The following TNFRSF25 variants were observed in gnomAD, a reference collection of about 807,000 sequenced individuals.
The protein encoded by TNFRSF25 is TNF receptor superfamily member 25, also known as tumor necrosis factor receptor superfamily member 25.
Under a neutral mutation model 49.4 loss-of-function variants are expected in TNFRSF25, and 28 were observed. That is an observed-to-expected ratio of 0.57 (90% confidence interval 0.42 to 0.78). The LOEUF (loss-of-function observed/expected upper bound fraction) is 0.78. TNFRSF25 is among the 30% of genes least tolerant of loss of function. The probability of loss-of-function intolerance (pLI) is 0.00; values close to 1 mark genes in which losing one functional copy is unlikely to be tolerated. For missense variants in TNFRSF25, 531 were observed against 581.6 expected (o/e 0.91, Z 0.90); for synonymous variants, 240 against 234.2 (o/e 1.02, Z -0.23).
In TNFRSF25 at chr1:6,461,520, G is replaced by A. The variant is rs773058348; in HGVS notation, c.1168C>T (p.Leu390Phe). The A allele has an allele frequency of 2.5e-6, 4 of 1,603,362 alleles. No homozygotes were observed. The highest frequency in any genetic ancestry group is 1.1e-5 in the South Asian group (1 of 90,392). ...TCCAGGGCCGCGTAAACGGCTCCGA[G>A]GCCCGCGGGCTGCTGCTGGCGCCAG... ...KRWRQQQPAG[L>F]GAVYAALERM... Residue 390 changes from leucine to phenylalanine, a missense_variant, in exon 10 of 10, where the codon CTC becomes TTC. Leu to Phe is a conservative substitution (Grantham distance 22). Coordinates refer to ENST00000356876, the MANE Select transcript of TNFRSF25 (RefSeq NM_003790.3). This position sits in a 1 kb window ranked among gnomAD's most constrained non-coding sequence, Gnocchi z 6.3.
In TNFRSF25 at chr1:6,461,708, A is replaced by T. The variant is rs1466495242; in HGVS notation, c.980T>A (p.Met327Lys). ...SPESPAGSPAMMLQPGPQLYD... is the reference protein window; with the variant it reads ...SPESPAGSPAKMLQPGPQLYD... ...GAGCTGCGGGCCCGGCTGCAGCATC[A>T]TGGCTGGCGAGCCGGCTGGGGACTC... The change falls in exon 10 of 10, where the codon ATG becomes AAG. Residue 327 changes from methionine (M) to lysine (K), a missense_variant. Met to Lys is a moderately conservative substitution (Grantham distance 95). Transcript: ENST00000356876. This position sits in a 1 kb window ranked among gnomAD's most constrained non-coding sequence, Gnocchi z 6.3. 2 of 1,564,250 alleles carry T rather than the reference A, an allele frequency of 1.3e-6. No individual in the cohort carries two copies. The highest frequency in any genetic ancestry group is 8.6e-7 in the Non-Finnish European group (1 of 1,161,576).
At position 6,461,895 on chromosome 1, in the gene TNFRSF25, G is replaced by C. The variant is rs1325926753; in HGVS notation, c.925+99C>G. 6.7e-7 allele frequency: 1 copy of C among 1,492,172 alleles called. No individual in the cohort carries two copies. Among genetic ancestry groups the C allele is most frequent in the East Asian group, 2.4e-5 (1 of 42,382 alleles). The allele number at this position is 1,492,172 out of a possible 1,614,324, so 92.4% of individuals were successfully genotyped here. A position where few individuals can be genotyped will look rare whatever the true frequency, so the allele number is the denominator to read the frequency against. On this transcript the variant is annotated intron_variant, in intron 9 of 9. Coordinates refer to ENST00000356876, the MANE Select transcript of TNFRSF25 (RefSeq NM_003790.3). The surrounding 1 kb of genome is among the most constrained non-coding windows in gnomAD (Gnocchi z 6.3). The stretch of plus-strand genomic sequence containing the variant: ...TGGGTCAGGGCATAGGGCGGACTCC[G>C]TCAGTTAGGGGGCAGAAAGGGAACA...
intron 5 of TNFRSF25, chr1:6,463,983 T>C (rs1644258820): frequency 4.7e-6 from 1 of 213,198 alleles, no homozygotes; most frequent in East Asian, 1.8e-4. Flanking sequence ...TATTTATTTA[T>C]TTAATAGGTC....
chr1:6,462,102 T>C lies in TNFRSF25; in HGVS notation c.817A>G (p.Thr273Ala), dbSNP rs1557725232. ...CAGCTGTTACCCACCAACTGGACGG[T>C]GCAGATCTTCTCACTGCTGTCAGGA... ...APPDSSEKICTVQLVGNSWTP... is the reference protein window; with the variant it reads ...APPDSSEKICAVQLVGNSWTP... The change falls in exon 9 of 10, where the codon ACC becomes GCC. Residue 273 changes from threonine (T) to alanine (A), a missense_variant. Transcript: ENST00000356876. The surrounding 1 kb of genome is among the most constrained non-coding windows in gnomAD (Gnocchi z 4.2). 6.2e-7 allele frequency: 1 copy of C among 1,613,912 alleles called. No individual in the cohort carries two copies. The highest frequency in any genetic ancestry group is 2.2e-5 in the East Asian group (1 of 44,854).
Position 6,464,576 on chromosome 1 carries a change from G to A in TNFRSF25, c.439C>T (p.Leu147=). 1 of 1,614,154 alleles carries A rather than the reference G, an allele frequency of 6.2e-7. No individual in the cohort carries two copies. The highest frequency in any genetic ancestry group is 8.5e-7 in the Non-Finnish European group (1 of 1,180,030). Residue 147 remains leucine (L), a synonymous_variant, in exon 4 of 10, where the codon CTG becomes TTG. Coordinates refer to ENST00000356876, the MANE Select transcript of TNFRSF25 (RefSeq NM_003790.3). ...CAGAGTAGCCGTGTGTGGCGGTGCA[G>A]GGCCCCGCAGTCTAGGCATGGTTGG... ...YCQPCLDCGA[L]HRHTRLLCSR...
At position 6,466,032 on chromosome 1, in the gene TNFRSF25, C is replaced by A. The variant is rs867962928; in HGVS notation, c.39+37G>T. The A allele has an allele frequency of 3.8e-6, 6 of 1,567,350 alleles. No individual in the cohort carries two copies. In the Middle Eastern group the frequency reaches 8.5e-4, roughly 222 times the overall value. On this transcript the variant is annotated intron_variant, in intron 1 of 9. Transcript: ENST00000356876. Reference sequence around the variant, plus strand: ...CTTCACCGAGGCTCTTGGGACAGGGCTCAAAGCTGCCCCTAGCCTCCTGCG... The same window carrying A: ...CTTCACCGAGGCTCTTGGGACAGGGATCAAAGCTGCCCCTAGCCTCCTGCG...
rs1010509139 is a variant in TNFRSF25, at chr1:6,462,100, G to A, written c.819C>T (p.Thr273=). The stretch of plus-strand genomic sequence containing the variant: ...TCCAGCTGTTACCCACCAACTGGAC[G>A]GTGCAGATCTTCTCACTGCTGTCAG... ...APPDSSEKIC[T]VQLVGNSWTP... The change falls in exon 9 of 10, where the codon ACC becomes ACT. Residue 273 remains threonine, a synonymous_variant. Transcript: ENST00000356876. The surrounding 1 kb of genome is among the most constrained non-coding windows in gnomAD (Gnocchi z 4.2). 1.2e-6 allele frequency: 2 copies of A among 1,613,824 alleles called. No homozygotes were observed. The highest frequency in any genetic ancestry group is 1.7e-5 in the Admixed American group (1 of 59,982).
chr1:6,460,832 A>G lies in TNFRSF25; in HGVS notation c.*602T>C, dbSNP rs921873370. On this transcript the variant is annotated 3_prime_UTR_variant, in exon 10 of 10. Coordinates refer to ENST00000356876, the MANE Select transcript of TNFRSF25 (RefSeq NM_003790.3). The stretch of plus-strand genomic sequence containing the variant: ...CTTTCACTGCCCCGGTGGAGTGAAT[A>G]GAGGATGAGGGGCCCTGACCCTGTG... 1 of 249,300 alleles carries G rather than the reference A, an allele frequency of 4.0e-6. No homozygotes were observed. The highest frequency in any genetic ancestry group is 8.0e-6 in the Non-Finnish European group (1 of 125,592). The allele number at this position is 249,300 out of a possible 1,614,324, so 15.4% of individuals were successfully genotyped here. A position where few individuals can be genotyped will look rare whatever the true frequency, so the allele number is the denominator to read the frequency against.
In TNFRSF25 at chr1:6,464,245, A is replaced by G; in HGVS notation, c.542+130T>C. ...AGTTTGCCTGAAGTGGGGCCCACCC[A>G]TCACAGGGCCAAGGCTCCCTCCTCC... On this transcript the variant is annotated intron_variant, in intron 5 of 9. Transcript: ENST00000356876. 4.7e-6 allele frequency: 7 copies of G among 1,503,126 alleles called. No individual in the cohort carries two copies. The Admixed American group carries it at 1.5e-4, about 32-fold the overall frequency. 93.1% of individuals were successfully genotyped at this position (1,503,126 alleles called of 1,614,324 possible).
intron 5 of TNFRSF25, chr1:6,464,157 A>G: frequency 2.8e-6 from 4 of 1,416,352 alleles, no homozygotes; most frequent in Non-Finnish European, 3.7e-6. Context: ...GCTGGCTGAA[A>G]GTGAAGGCAA....
chr1:6,461,621 A>T lies in TNFRSF25; in HGVS notation c.1067T>A (p.Leu356Gln). 1 of 1,608,976 alleles carries T rather than the reference A, an allele frequency of 6.2e-7. No individual in the cohort carries two copies. Among genetic ancestry groups the T allele is most frequent in the Non-Finnish European group, 8.5e-7 (1 of 1,179,232 alleles). The change falls in exon 10 of 10, where the codon CTG (leucine) becomes CAG (glutamine). Residue 356 changes from leucine (L) to glutamine (Q), a missense_variant. Leu to Gln is a moderately radical substitution (Grantham distance 113). Coordinates refer to ENST00000356876, the MANE Select transcript of TNFRSF25 (RefSeq NM_003790.3). The surrounding 1 kb of genome is among the most constrained non-coding windows in gnomAD (Gnocchi z 6.3). ...CACGGCTTCGATCTCTGCCTCGCGC[A>T]GCCCCAGCGTGCGCACGAACTCCTT... ...RWKEFVRTLG[L>Q]REAEIEAVEV...
chr1:6,463,648 C>G (rs1644247734), intron 5 of TNFRSF25: 1 of 154,474 alleles, frequency 6.5e-6, no homozygotes, highest in Non-Finnish European at 1.4e-5. Flanking sequence ...ATCACTTGAA[C>G]CCAGGCAGCA....
rs773593567 is a variant in TNFRSF25, at chr1:6,461,464, G to C, written c.1224C>G (p.Asp408Glu). The change falls in exon 10 of 10, where the codon GAC (aspartate) becomes GAG (glutamate). Residue 408 changes from aspartate (D) to glutamate (E), a missense_variant. By Grantham distance (45) the Asp-to-Glu change is conservative. Coordinates refer to ENST00000356876, the MANE Select transcript of TNFRSF25 (RefSeq NM_003790.3). The surrounding 1 kb of genome is among the most constrained non-coding windows in gnomAD (Gnocchi z 6.3). ...ERMGLDGCVE[D>E]LRSRLQRGP is the part of the protein sequence containing the mutation. ...GGCCGCGCTGCAGGCGGCTGCGCAA[G>C]TCTTCCACGCAGCCGTCCAGCCCCA... 1.3e-6 allele frequency: 2 copies of C among 1,548,912 alleles called. No homozygotes were observed. The highest frequency in any genetic ancestry group is 1.7e-6 in the Non-Finnish European group (2 of 1,149,146).
Position 6,465,493 on chromosome 1 carries a change from GCA to G in TNFRSF25, c.105_106del (p.Ala36ArgfsTer2). On this transcript the variant is annotated frameshift_variant, in exon 2 of 10. Transcript: ENST00000356876. LOFTEE classifies it high-confidence loss of function. Reference sequence around the variant, plus strand: ...ACCAATCTTCTTGTGGAAGTCACCGGCACAGTCACACCTGGGGCTACGAGTGC... The same window carrying G: ...ACCAATCTTCTTGTGGAAGTCACCGGCAGTCACACCTGGGGCTACGAGTGC... The G allele has an allele frequency of 6.2e-7, 1 of 1,613,968 alleles. No homozygotes were observed. Among genetic ancestry groups the G allele is most frequent in the Non-Finnish European group, 8.5e-7 (1 of 1,179,996 alleles).
rs935128343 is a variant in TNFRSF25, at chr1:6,462,360, C to A, written c.745-186G>T. ...TCTTGCTTCTGCCTTGAGTCCCCTG[C>A]CCCCGCCTCCTTCCTCTTGTCCCCC... On this transcript the variant is annotated intron_variant, in intron 8 of 9. Coordinates refer to ENST00000356876, the MANE Select transcript of TNFRSF25 (RefSeq NM_003790.3). The surrounding 1 kb of genome is among the most constrained non-coding windows in gnomAD (Gnocchi z 4.2). 5.3e-6 allele frequency: 6 copies of A among 1,129,948 alleles called. No individual in the cohort carries two copies. The Admixed American group carries it at 1.2e-4, about 22-fold the overall frequency. The allele number at this position is 1,129,948 out of a possible 1,614,324, so 70.0% of individuals were successfully genotyped here.
At position 6,465,820 on chromosome 1, in the gene TNFRSF25, C is replaced by A. The variant is rs1256096939; in HGVS notation, c.39+249G>T. On this transcript the variant is annotated intron_variant, in intron 1 of 9. Coordinates refer to ENST00000356876, the MANE Select transcript of TNFRSF25 (RefSeq NM_003790.3). ...GCAGGAATCCAGCAGCGCCCCCACCCCCACCCATGCTTTCTGTTGGGGGAG... is the reference window on the plus strand; with the variant it reads ...GCAGGAATCCAGCAGCGCCCCCACCACCACCCATGCTTTCTGTTGGGGGAG... 7.7e-6 allele frequency: 11 copies of A among 1,424,152 alleles called. No individual in the cohort carries two copies. The East Asian group carries it at 1.3e-4, about 17-fold the overall frequency. The allele number at this position is 1,424,152 out of a possible 1,614,324, so 88.2% of individuals were successfully genotyped here.
intron 5 of TNFRSF25, chr1:6,464,115 T>C: frequency 2.9e-6 from 4 of 1,356,440 alleles, no homozygotes; most frequent in Non-Finnish European, 3.8e-6. Context: ...ACAAATCATC[T>C]GTAATATCTG....
chr1:6,465,692 G>C, intron 1 of TNFRSF25, 132 bp from the exon 2 acceptor site: 1 of 1,452,976 alleles, frequency 6.9e-7, no homozygotes. Context: ...GGGCAGAAGG[G>C]GTGCCCATGG....
chr1:6,462,415 T>C lies in TNFRSF25; in HGVS notation c.744+214A>G. On this transcript the variant is annotated intron_variant, in intron 8 of 9. Transcript: ENST00000356876. The surrounding 1 kb of genome is among the most constrained non-coding windows in gnomAD (Gnocchi z 4.2). ...CCATGGGGCTCTCCTTCCATTGAAC[T>C]GTTAGCTCCTGTGTACGAATCTGAA... is the stretch of plus-strand genomic sequence containing the variant. The C allele has an allele frequency of 3.1e-6, 4 of 1,275,936 alleles. No individual in the cohort carries two copies. The highest frequency in any genetic ancestry group is 1.6e-5 in the South Asian group (1 of 63,474). 79.0% of individuals were successfully genotyped at this position (1,275,936 alleles called of 1,614,324 possible).
Sources: allele counts gnomAD v4.1 joint callset, GRCh38; gene constraint gnomAD v4.1.1; non-coding constraint Gnocchi (gnomAD v3.1); transcripts MANE v1.5; gene names NCBI Gene and HGNC (gene_info 2026-07-23, HGNC 2026-07-21).